DLGAP2: variants seen among roughly 807,000 people sequenced by gnomAD.
DLGAP2 encodes the protein DLG associated protein 2, also known as disks large-associated protein 2.
In DLGAP2, 26 loss-of-function variants were observed where a neutral mutation model predicts 100.3. That is an observed-to-expected ratio of 0.26 (90% CI 0.19 to 0.36). DLGAP2 has a LOEUF of 0.36. DLGAP2 is among the 10% of genes least tolerant of loss of function. The pLI, the probability that DLGAP2 is intolerant of heterozygous loss-of-function variation, is 1.00. For synonymous variants in DLGAP2, 886 were observed against 630.1 expected, an observed-to-expected ratio of 1.41 and a Z score of -6.08; for missense variants, 1,858 against 1,453.2, an observed-to-expected ratio of 1.28 and a Z score of -4.53.
intron 3 of DLGAP2, among the ~76,000 whole-genome samples, chr8:1,382,418 G>A (rs887411502): frequency 2.0e-5 from 3 of 152,164 alleles, no homozygotes; most frequent in Admixed American, 6.5e-5. Flanking sequence ...TCAAGGGCAA[G>A]TGTGCGTGAA....
intron 2 of DLGAP2, among the ~76,000 whole-genome samples, chr8:1,082,547 CAT>C (rs1268420819): frequency 6.6e-6 from 1 of 152,192 alleles, no homozygotes; most frequent in African/African-American, 2.4e-5. Context: ...TCGGAACACA[CAT>C]GTCAAAGAAC....
chr8:1,415,417 C>T (rs1796855244), intron 3 of DLGAP2, among the ~76,000 whole-genome samples: 1 of 152,128 alleles, frequency 6.6e-6, no homozygotes, highest in South Asian at 2.1e-4. Context: ...ATCACCCAGA[C>T]ACTGAGCACA....
At chr8:1,239,534 C>A in intron 2 of DLGAP2, among the ~76,000 whole-genome samples, 1 of 113,190 alleles carries the variant, frequency 8.8e-6, no homozygotes, top group African/African-American at 4.1e-5. Context: ...GGTGCCGTGT[C>A]TAGTTCTCTC....
At position 1,366,178 on chromosome 8, in the gene DLGAP2, C is replaced by T. The variant is rs536594000; in HGVS notation, c.106+107295C>T. 2.0e-5 allele frequency among the ~76,000 whole-genome samples: 3 copies of T among 152,322 alleles called. No homozygotes were observed. The South Asian group carries it at 6.2e-4, about 32-fold the overall frequency. On this transcript the variant is annotated intron_variant, in intron 3 of 14. Transcript: ENST00000637795. ...CTTTTTCTTTCTCTCCTTTTCCCTC[C>T]ATTTAAACAATGAATTCTAATGTGC... is the stretch of plus-strand genomic sequence containing the variant.
At chr8:1,370,699 G>C (rs986644306) in intron 3 of DLGAP2, among the ~76,000 whole-genome samples, 1 of 152,180 alleles carries the variant, frequency 6.6e-6, no homozygotes, top group Non-Finnish European at 1.5e-5. Context: ...CCAGACAACC[G>C]CTCCACTCTT....
At chr8:1,108,825 T>C (rs1312103769) in intron 2 of DLGAP2, among the ~76,000 whole-genome samples, 10 of 115,838 alleles carry the variant, frequency 8.6e-5, no homozygotes, top group East Asian at 3.0e-4. Context: ...GAGGTGTGCA[T>C]GTGCCTATGA....
At chr8:1,230,020 G>A (rs1279761185) in intron 2 of DLGAP2, among the ~76,000 whole-genome samples, 2 of 152,030 alleles carry the variant, frequency 1.3e-5, no homozygotes, top group Admixed American at 6.6e-5. Context: ...AGAACAATCA[G>A]GCAAGAAAAC....
intron 3 of DLGAP2, among the ~76,000 whole-genome samples, chr8:1,360,807 G>A (rs1801966108): frequency 6.6e-6 from 1 of 152,192 alleles, no homozygotes; most frequent in Non-Finnish European, 1.5e-5. Flanking sequence ...GAGGCACGAG[G>A]AAACAGTCGC....
chr8:1,470,022 C>A (rs190647274), intron 3 of DLGAP2, among the ~76,000 whole-genome samples: 1 of 149,108 alleles, frequency 6.7e-6, no homozygotes, highest in Admixed American at 6.7e-5. Flanking sequence ...ATTAGCCAAG[C>A]CTGGTGGTGT....
chr8:738,035 G>A (rs1404102455), intron 1 of DLGAP2: 2 of 300,912 alleles, frequency 6.6e-6, no homozygotes, highest in Admixed American at 5.1e-5. Flanking sequence ...TGCGCTCCTC[G>A]CCGGGCTCCG....
chr8:971,645 G>A (rs994451600), intron 2 of DLGAP2, among the ~76,000 whole-genome samples: 5 of 152,200 alleles, frequency 3.3e-5, no homozygotes, highest in Admixed American at 2.0e-4. Context: ...TTGCTCAGGT[G>A]AAGATCATAG....
chr8:780,471 G>A (rs926249768), intron 1 of DLGAP2, among the ~76,000 whole-genome samples: 1 of 152,160 alleles, frequency 6.6e-6, no homozygotes, highest in African/African-American at 2.4e-5. Flanking sequence ...ACATCTCAAC[G>A]TAGTGATCTC....
Position 922,464 on chromosome 8 carries a change from C to T in DLGAP2, c.73+14498C>T, listed in dbSNP as rs537354860. Among the ~76,000 whole-genome samples, 514 of 152,270 alleles carry T rather than the reference C, an allele frequency of 3.4e-3. 1 individual carries two copies. The highest frequency in any genetic ancestry group is 0.014 in the Middle Eastern group (4 of 294). ...GGAAGGCATTTTATTGAAAAGAAGA[C>T]TCTGCACTAAAGGGGAAAGGTTTTT... On this transcript the variant is annotated intron_variant, in intron 2 of 14. Coordinates refer to ENST00000637795, the MANE Select transcript of DLGAP2 (RefSeq NM_001346810.2).
At chr8:1,005,353 C>T (rs905120710) in intron 2 of DLGAP2, among the ~76,000 whole-genome samples, 4 of 151,626 alleles carry the variant, frequency 2.6e-5, no homozygotes, top group South Asian at 2.1e-4. Context: ...CAAGGCAGCC[C>T]GTCAAATAGT....
chr8:1,366,230 C>A (rs1802105401), intron 3 of DLGAP2, among the ~76,000 whole-genome samples: 1 of 152,190 alleles, frequency 6.6e-6, no homozygotes. Flanking sequence ...AATATTCATG[C>A]ATTTGTTTAT....
At chr8:1,296,454 A>T (rs1272868982) in intron 3 of DLGAP2, among the ~76,000 whole-genome samples, 1 of 152,064 alleles carries the variant, frequency 6.6e-6, no homozygotes, top group Non-Finnish European at 1.5e-5. Flanking sequence ...ATCATTGGAG[A>T]TTTCTTAGCC....
chr8:1,554,679 G>C (rs1193136122), intron 5 of DLGAP2, among the ~76,000 whole-genome samples: 1 of 152,222 alleles, frequency 6.6e-6, no homozygotes. Context: ...CAGCGTTCCA[G>C]AGGATGCTGG....
At chr8:1,133,843 G>C (rs955038100) in intron 2 of DLGAP2, among the ~76,000 whole-genome samples, 10 of 151,932 alleles carry the variant, frequency 6.6e-5, no homozygotes, top group African/African-American at 2.4e-4. Flanking sequence ...ATTGGGAATT[G>C]ATTAACCCTT....
intron 3 of DLGAP2, among the ~76,000 whole-genome samples, chr8:1,334,842 A>G (rs1801237905): frequency 6.6e-6 from 1 of 151,900 alleles, no homozygotes; most frequent in Non-Finnish European, 1.5e-5. Flanking sequence ...TTGCCTCACT[A>G]ACACGGCTGT....
Sources: allele counts gnomAD v4.1 joint callset (sites outside exome capture counted in the v4.1 genomes callset), GRCh38; gene constraint gnomAD v4.1.1; transcripts MANE v1.5; gene names NCBI Gene and HGNC (gene_info 2026-07-23, HGNC 2026-07-21).